PTDSS1: variants seen among roughly 807,000 people sequenced by gnomAD.
PTDSS1 encodes phosphatidylserine synthase 1, also known as PSS-1.
PTDSS1 carries 45 observed loss-of-function variants against 70.5 expected under a neutral mutation model. The observed-to-expected ratio is 0.64, with a 90% CI of 0.50 to 0.82. PTDSS1 has a LOEUF of 0.82. Ranked by LOEUF, PTDSS1 falls within the 40% of genes least tolerant of loss-of-function variation. The probability of loss-of-function intolerance (pLI) is 0.00; values close to 1 mark genes in which losing one functional copy is unlikely to be tolerated. For synonymous variants in PTDSS1, 188 were observed against 203.8 expected (o/e 0.92, Z 0.66); for missense variants, 417 against 586.1 (o/e 0.71, Z 2.98).
intron 2 of PTDSS1, among the ~76,000 whole-genome samples, chr8:96,274,571 C>T (rs937958627): frequency 1.3e-5 from 2 of 152,078 alleles, no homozygotes; most frequent in Admixed American, 1.3e-4. Flanking sequence ...ACTAAAAATA[C>T]AAAATTAGCC....
chr8:96,265,970 A>G (rs1304629322), intron 1 of PTDSS1, among the ~76,000 whole-genome samples: 2 of 152,266 alleles, frequency 1.3e-5, no homozygotes, highest in Admixed American at 6.5e-5. Flanking sequence ...GCTTACGCAT[A>G]TGTCTTAGAA....
intron 9 of PTDSS1, among the ~76,000 whole-genome samples, chr8:96,310,489 A>C (rs1811195266): frequency 6.6e-6 from 1 of 151,030 alleles, no homozygotes; most frequent in African/African-American, 2.4e-5. Context: ...TTTTTAAATA[A>C]ATTAGGAAAT....
At position 96,307,372 on chromosome 8, in the gene PTDSS1, G is replaced by T. The variant is rs981379262; in HGVS notation, c.1007+816G>T. ...ACCCCATAAGCAGCGGGCCTCACTT[G>T]CCAAGGACAGTAGATCTATACCTTG... On this transcript the variant is annotated intron_variant, in intron 8 of 12. Coordinates refer to ENST00000517309, the MANE Select transcript of PTDSS1 (RefSeq NM_014754.3). Among the ~76,000 whole-genome samples the T allele has an allele frequency of 2.1e-5, 3 of 140,554 alleles. No individual in the cohort carries two copies. The East Asian group carries it at 6.4e-4, about 30-fold the overall frequency. The allele number at this position is 140,554 out of a possible 152,430, so 92.2% of individuals were successfully genotyped here. A position where few individuals can be genotyped will look rare whatever the true frequency, so the allele number is the denominator to read the frequency against.
At chr8:96,276,976 G>GCACACACACACACACACACA (rs1278729372) in intron 2 of PTDSS1, among the ~76,000 whole-genome samples, 1 of 107,482 alleles carries the variant, frequency 9.3e-6, no homozygotes, top group African/African-American at 3.0e-5. Flanking sequence ...GCGCGCACGC[G>GCACACACACACACACACACA]CGCGCACACA....
chr8:96,319,494 T>G (rs1054969328), intron 9 of PTDSS1, among the ~76,000 whole-genome samples: 3 of 114,860 alleles, frequency 2.6e-5, no homozygotes, highest in African/African-American at 8.6e-5. Flanking sequence ...GTGGCGTTTC[T>G]TAAAAAAAAA....
intron 9 of PTDSS1, among the ~76,000 whole-genome samples, chr8:96,311,538 A>G (rs923311641): frequency 2.6e-5 from 4 of 151,982 alleles, no homozygotes; most frequent in Admixed American, 6.6e-5. Context: ...TTTTCTGTGT[A>G]TGTGTGTGTG....
At chr8:96,317,700 A>C (rs893670510) in intron 9 of PTDSS1, among the ~76,000 whole-genome samples, 8 of 152,120 alleles carry the variant, frequency 5.3e-5, no homozygotes, top group Non-Finnish European at 2.9e-5. Flanking sequence ...GTGCCACTGC[A>C]TTCCAGCCTG....
intron 9 of PTDSS1, among the ~76,000 whole-genome samples, chr8:96,313,352 G>C (rs948595202): frequency 6.6e-6 from 1 of 152,140 alleles, no homozygotes; most frequent in Non-Finnish European, 1.5e-5. Flanking sequence ...TGGAAAGGTC[G>C]GCTGTTTCTC....
chr8:96,312,786 G>T (rs1811230880), intron 9 of PTDSS1, among the ~76,000 whole-genome samples: 1 of 152,176 alleles, frequency 6.6e-6, no homozygotes, highest in South Asian at 2.1e-4. Flanking sequence ...AGCCAGGGAA[G>T]GTGAAACAGG....
intron 12 of PTDSS1, 106 bp downstream of exon 12, chr8:96,331,201 C>A: frequency 1.9e-6 from 2 of 1,070,882 alleles, no homozygotes; most frequent in Non-Finnish European, 2.8e-6. Context: ...GGGTCTCAGG[C>A]CTACCCATTG....
intron 8 of PTDSS1, among the ~76,000 whole-genome samples, chr8:96,308,999 G>T (rs1199048193): frequency 1.3e-5 from 2 of 151,872 alleles, no homozygotes; most frequent in East Asian, 3.9e-4. Context: ...TATATTTTTT[G>T]CCTGGTTACA....
chr8:96,303,417 A>C (rs17707746), intron 6 of PTDSS1, among the ~76,000 whole-genome samples: 11,881 of 152,232 alleles, frequency 0.078, 527 homozygotes, highest in African/African-American at 0.1. Context: ...TTGGAGACGT[A>C]AAAGTTCATG....
At chr8:96,300,479 T>C (rs775029087) in intron 6 of PTDSS1, among the ~76,000 whole-genome samples, 5 of 152,166 alleles carry the variant, frequency 3.3e-5, no homozygotes, top group African/African-American at 4.8e-5. Context: ...TCTGAATAGT[T>C]TTAAGTTGCA....
At chr8:96,278,355 C>A (rs1440489720) in intron 2 of PTDSS1, among the ~76,000 whole-genome samples, 1 of 152,174 alleles carries the variant, frequency 6.6e-6, no homozygotes, top group East Asian at 1.9e-4. Flanking sequence ...CACCCCTGAG[C>A]TATATGGCAG....
At chr8:96,280,924 A>G (rs1007226228) in intron 2 of PTDSS1, among the ~76,000 whole-genome samples, 5 of 152,206 alleles carry the variant, frequency 3.3e-5, no homozygotes, top group Admixed American at 6.5e-5. Context: ...AAAGTAGTCA[A>G]TAGTCTGTTG....
chr8:96,283,480 G>A (rs1563566442), intron 2 of PTDSS1: 1 of 152,138 alleles, frequency 6.6e-6, no homozygotes, highest in Non-Finnish European at 1.5e-5. Flanking sequence ...TGAGACTTTT[G>A]TTTCAGTTGT....
chr8:96,330,978 C>G, intron 11 of PTDSS1, 48 bp from the exon 12 acceptor site: 1 of 1,531,086 alleles, frequency 6.5e-7, no homozygotes, highest in African/African-American at 1.4e-5. Context: ...TGCCACTTCT[C>G]CCAGGGAGTT....
chr8:96,306,724 A>G (rs1472174874), intron 8 of PTDSS1, among the ~76,000 whole-genome samples, 168 bp downstream of exon 8: 2 of 152,264 alleles, frequency 1.3e-5, no homozygotes. Flanking sequence ...AGATGTCAGT[A>G]ACATTAACCA....
chr8:96,293,457 C>T (rs1465078793), intron 4 of PTDSS1, among the ~76,000 whole-genome samples: 1 of 151,900 alleles, frequency 6.6e-6, no homozygotes, highest in Admixed American at 6.5e-5. Context: ...ACTTGACCCC[C>T]TTTCCAGGCT....
Sources: gnomAD v4.1 joint callset for allele counts (sites outside exome capture counted in the v4.1 genomes callset) on GRCh38, gnomAD v4.1.1 for gene constraint, MANE v1.5 for transcripts, NCBI Gene and HGNC (gene_info 2026-07-23, HGNC 2026-07-21) for gene names.